The following SORCS1 variants were observed in gnomAD, a reference collection of about 807,000 sequenced individuals.
SORCS1 encodes the protein sortilin related VPS10 domain containing receptor 1.
In SORCS1, 60 loss-of-function variants were observed where a neutral mutation model predicts 146.1. That is an observed-to-expected ratio of 0.41 (90% CI 0.33 to 0.51). The LOEUF (loss-of-function observed/expected upper bound fraction) is 0.51. SORCS1 is among the 20% of genes least tolerant of loss of function. The pLI, the probability that SORCS1 is intolerant of heterozygous loss-of-function variation, is 0.21. For missense variants in SORCS1, 1,352 were observed against 1,487.6 expected (o/e 0.91, Z 1.50); for synonymous variants, 637 against 584.0 (o/e 1.09, Z -1.31).
At chr10:106,958,949 G>A (rs917672375) in intron 1 of SORCS1, among the ~76,000 whole-genome samples, 2 of 152,074 alleles carry the variant, frequency 1.3e-5, no homozygotes, top group Non-Finnish European at 2.9e-5. Context: ...GAAAATAGGG[G>A]TGTGGGCATA....
chr10:106,720,422 A>G (rs1429347384), intron 6 of SORCS1, among the ~76,000 whole-genome samples: 4 of 151,536 alleles, frequency 2.6e-5, no homozygotes, highest in Non-Finnish European at 5.9e-5. Flanking sequence ...AAGGATTGTT[A>G]TAAGTAAGGC....
At chr10:106,822,802 T>TTTG (rs994708912) in intron 3 of SORCS1, among the ~76,000 whole-genome samples, 4 of 140,120 alleles carry the variant, frequency 2.9e-5, no homozygotes, top group African/African-American at 1.1e-4. Context: ...TTTTTTTTTT[T>TTTG]GAATATTGCT....
chr10:106,803,238 G>A (rs1269946029), intron 3 of SORCS1, among the ~76,000 whole-genome samples: 1 of 152,176 alleles, frequency 6.6e-6, no homozygotes, highest in Admixed American at 6.5e-5. Flanking sequence ...GTTCAAGAAT[G>A]AGGGTAGTAT....
At position 106,963,110 on chromosome 10, in the gene SORCS1, A is replaced by ATTTTTTTTTTTTTTTTTTTTTTTTTTTT. The variant is rs749174613; in HGVS notation, c.559-6531_559-6530insAAAAAAAAAAAAAAAAAAAAAAAAAAAA. On this transcript the variant is annotated intron_variant, in intron 1 of 25. Coordinates refer to ENST00000263054, the MANE Select transcript of SORCS1 (RefSeq NM_052918.5). ...AAGAGAGCAGTGTTCAATGGCCAGA[A>ATTTTTTTTTTTTTTTTTTTTTTTTTTTT]TTTTTTTTTTTTTTTTTTTTTTTTT... is the stretch of plus-strand genomic sequence containing the variant. 6.6e-5 allele frequency among the ~76,000 whole-genome samples: 5 copies of ATTTTTTTTTTTTTTTTTTTTTTTTTTTT among 76,296 alleles called. 1 individual carries two copies. The highest frequency in any genetic ancestry group is 9.1e-5 in the African/African-American group (2 of 21,900). The allele number at this position is 76,296 out of a possible 152,430, so 50.1% of individuals were successfully genotyped here.
intron 1 of SORCS1, among the ~76,000 whole-genome samples, chr10:107,006,697 G>T (rs896312803): frequency 6.6e-6 from 1 of 152,126 alleles, no homozygotes; most frequent in East Asian, 1.9e-4. Flanking sequence ...GGCGCCTGTA[G>T]TCCCAGCTAC....
intron 3 of SORCS1, among the ~76,000 whole-genome samples, chr10:106,805,501 A>G (rs555194112): frequency 6.6e-6 from 1 of 152,304 alleles, no homozygotes; most frequent in South Asian, 2.1e-4. Context: ...CATGACATTT[A>G]TAGGAGATCT....
intron 1 of SORCS1, among the ~76,000 whole-genome samples, chr10:107,061,594 G>A (rs750904879): frequency 1.3e-5 from 2 of 152,116 alleles, no homozygotes; most frequent in Non-Finnish European, 2.9e-5. Flanking sequence ...TCCATAACTC[G>A]TTATGTTTTC....
intron 9 of SORCS1, among the ~76,000 whole-genome samples, chr10:106,689,477 G>A (rs1249877044): frequency 1.3e-5 from 2 of 152,116 alleles, no homozygotes; most frequent in African/African-American, 4.8e-5. Context: ...TGACTTGGTG[G>A]CTTTCTGGAA....
chr10:107,013,409 A>C (rs565756135), intron 1 of SORCS1, among the ~76,000 whole-genome samples: 1 of 152,170 alleles, frequency 6.6e-6, no homozygotes, highest in South Asian at 2.1e-4. Flanking sequence ...ACCAAGCAGA[A>C]GGTAATCAGA....
chr10:106,926,961 T>C (rs1953074049), intron 2 of SORCS1, among the ~76,000 whole-genome samples: 2 of 150,674 alleles, frequency 1.3e-5, no homozygotes, highest in Admixed American at 6.6e-5. Flanking sequence ...GAGTGAAAAA[T>C]AAATAGAAAG....
chr10:106,616,713 C>T (rs10884337), intron 21 of SORCS1, among the ~76,000 whole-genome samples: 38,514 of 151,976 alleles, frequency 0.25, 5,970 homozygotes, highest in East Asian at 0.53. Flanking sequence ...AAATCTAACA[C>T]CCAGCCATGA....
intron 1 of SORCS1, among the ~76,000 whole-genome samples, chr10:107,062,147 T>C (rs953751730): frequency 1.3e-5 from 2 of 152,176 alleles, no homozygotes; most frequent in Non-Finnish European, 2.9e-5. Context: ...ACAATTTTAA[T>C]ATGTAGAGTT....
At chr10:106,806,569 G>A (rs1490756622) in intron 3 of SORCS1, among the ~76,000 whole-genome samples, 2 of 127,862 alleles carry the variant, frequency 1.6e-5, no homozygotes, top group East Asian at 2.5e-4. Context: ...AGGCTGGAGT[G>A]CAGTGGCATG....
intron 2 of SORCS1, among the ~76,000 whole-genome samples, chr10:106,877,961 A>C (rs1950654537): frequency 6.6e-6 from 1 of 152,128 alleles, no homozygotes; most frequent in Admixed American, 6.5e-5. Flanking sequence ...CTGACTCCAA[A>C]GTCCTTAGTC....
At chr10:106,854,750 C>A (rs1193834491) in intron 2 of SORCS1, among the ~76,000 whole-genome samples, 6 of 152,188 alleles carry the variant, frequency 3.9e-5, no homozygotes, top group Non-Finnish European at 7.4e-5. Context: ...CAACTTATTC[C>A]TAATTCTCCT....
intron 1 of SORCS1, among the ~76,000 whole-genome samples, chr10:106,970,403 A>T (rs1278862461): frequency 1.5e-5 from 2 of 129,978 alleles, no homozygotes; most frequent in Non-Finnish European, 3.1e-5. Flanking sequence ...CAGTGGCGTG[A>T]TCCCTGCCCA....
At chr10:106,731,248 G>C (rs1028693366) in intron 5 of SORCS1, among the ~76,000 whole-genome samples, 4 of 131,764 alleles carry the variant, frequency 3.0e-5, no homozygotes, top group Non-Finnish European at 6.1e-5. Context: ...AGCCGAGATC[G>C]CACCACTGCA....
At chr10:106,743,071 G>T (rs759638224) in intron 5 of SORCS1, among the ~76,000 whole-genome samples, 2 of 152,124 alleles carry the variant, frequency 1.3e-5, no homozygotes, top group South Asian at 2.1e-4. Context: ...TCTCATTTTG[G>T]GGTCTGTTTT....
chr10:106,627,335 C>G (rs1848172779), intron 19 of SORCS1, among the ~76,000 whole-genome samples: 1 of 152,134 alleles, frequency 6.6e-6, no homozygotes, highest in Admixed American at 6.5e-5. Flanking sequence ...AGATGTATAA[C>G]AAATTTGTGG....
Sources: allele counts gnomAD v4.1 joint callset (sites outside exome capture counted in the v4.1 genomes callset), GRCh38; gene constraint gnomAD v4.1.1; transcripts MANE v1.5; gene names NCBI Gene and HGNC (gene_info 2026-07-23, HGNC 2026-07-21).